KHDRBS2: variants seen among roughly 807,000 people sequenced by gnomAD.
KHDRBS2 encodes KH RNA binding domain containing, signal transduction associated 2, also known as KH domain-containing, RNA-binding, signal transduction-associated protein 2.
In KHDRBS2, 26 loss-of-function variants were observed where a neutral mutation model predicts 44.3. That is an observed-to-expected ratio of 0.59 (90% CI 0.43 to 0.81). The LOEUF (loss-of-function observed/expected upper bound fraction) is 0.81. KHDRBS2 is among the 40% of genes least tolerant of loss of function. The pLI, the probability that KHDRBS2 is intolerant of heterozygous loss-of-function variation, is 0.00. For synonymous variants in KHDRBS2, 194 were observed against 151.1 expected (o/e 1.28, Z -2.08); for missense variants, 476 against 433.1 (o/e 1.10, Z -0.88).
At chr6:61,940,286 G>C (rs1455076486) in intron 4 of KHDRBS2, among the ~76,000 whole-genome samples, 2 of 151,876 alleles carry the variant, frequency 1.3e-5, no homozygotes, top group Non-Finnish European at 2.9e-5. Flanking sequence ...AACCTATATG[G>C]AACAAGGAGA....
chr6:61,933,827 T>G (rs945387588), intron 4 of KHDRBS2, among the ~76,000 whole-genome samples: 2 of 152,224 alleles, frequency 1.3e-5, no homozygotes, highest in Admixed American at 1.3e-4. Flanking sequence ...TAATATGGAT[T>G]GCTGGATCAT....
intron 4 of KHDRBS2, among the ~76,000 whole-genome samples, chr6:61,935,050 GGAA>G (rs1423043534): frequency 2.6e-5 from 4 of 152,168 alleles, no homozygotes; most frequent in Middle Eastern, 3.2e-3. Flanking sequence ...TAGCAAGAAA[GGAA>G]GAAGAATTGT....
intron 1 of KHDRBS2, among the ~76,000 whole-genome samples, chr6:62,211,709 G>A (rs1829075580): frequency 6.6e-6 from 1 of 152,166 alleles, no homozygotes; most frequent in African/African-American, 2.4e-5. Flanking sequence ...CTGTTGGTGG[G>A]AATGTAAATT....
chr6:61,932,663 G>T (rs1331723050), intron 4 of KHDRBS2, among the ~76,000 whole-genome samples: 1 of 152,134 alleles, frequency 6.6e-6, no homozygotes, highest in African/African-American at 2.4e-5. Flanking sequence ...AGCCGGGCGT[G>T]GTGGTGGGCA....
chr6:62,223,224 G>C (rs754639503), intron 1 of KHDRBS2, among the ~76,000 whole-genome samples: 1 of 152,194 alleles, frequency 6.6e-6, no homozygotes, highest in Admixed American at 6.5e-5. Flanking sequence ...CTGTGCACTC[G>C]CAGGCTCAAC....
rs148476405 is a variant in KHDRBS2 at position 62,089,961 on chromosome 6, C to T, written c.220-41967G>A. Among the ~76,000 whole-genome samples the T allele has an allele frequency of 1.4e-3, 206 of 152,076 alleles. 2 individuals carry two copies. Among genetic ancestry groups the T allele is most frequent in the Middle Eastern group, 6.8e-3 (2 of 294 alleles). ...AATAGTGAAGGCCAAGGAACTGCAA[C>T]GTCTGCATGTTGACTGGGGCGTCCA... On this transcript the variant is annotated intron_variant, in intron 2 of 8. Transcript: ENST00000281156.
chr6:61,743,719 G>A (rs1347284458), intron 6 of KHDRBS2, among the ~76,000 whole-genome samples: 2 of 151,664 alleles, frequency 1.3e-5, no homozygotes, highest in Admixed American at 6.6e-5. Flanking sequence ...CCATGTTGGT[G>A]TGCTGCACCC....
At chr6:62,060,631 C>CTATATA (rs1317159491) in intron 2 of KHDRBS2, among the ~76,000 whole-genome samples, 1 of 147,258 alleles carries the variant, frequency 6.8e-6, no homozygotes, top group Non-Finnish European at 1.5e-5. Context: ...CTCTCTCTCT[C>CTATATA]TCTATATATA....
the KHDRBS2 span, among the ~76,000 whole-genome samples, chr6:61,593,609 G>C: frequency 6.6e-6 from 1 of 151,448 alleles, no homozygotes; most frequent in Admixed American, 6.6e-5. Flanking sequence ...CTGATTATTT[G>C]TATAAAGTGC....
chr6:62,020,407 G>A (rs962011084), intron 3 of KHDRBS2, among the ~76,000 whole-genome samples: 1 of 151,962 alleles, frequency 6.6e-6, no homozygotes, highest in African/African-American at 2.4e-5. Flanking sequence ...AGAAAAGAAT[G>A]TATATTCTGC....
At chr6:61,752,394 C>T (rs185851067) in intron 6 of KHDRBS2, among the ~76,000 whole-genome samples, 1 of 152,208 alleles carries the variant, frequency 6.6e-6, no homozygotes, top group Non-Finnish European at 1.5e-5. Context: ...AGGAATTGAC[C>T]TAGCTTTATC....
chr6:62,105,226 A>C (rs1009557803), intron 2 of KHDRBS2, among the ~76,000 whole-genome samples: 1 of 152,156 alleles, frequency 6.6e-6, no homozygotes, highest in East Asian at 1.9e-4. Flanking sequence ...TTCTACACCA[A>C]TTCTTCCAAA....
intron 1 of KHDRBS2, among the ~76,000 whole-genome samples, chr6:62,284,073 T>C (rs1264476775): frequency 6.6e-6 from 1 of 152,138 alleles, no homozygotes; most frequent in Non-Finnish European, 1.5e-5. Context: ...AAGTATTATA[T>C]CAAGAAATCA....
Position 62,074,070 on chromosome 6 carries a change from T to G in KHDRBS2, c.220-26076A>C, listed in dbSNP as rs1795852440. ...TGAAGATGTGCTAAGCTGCACCCATTTAGGAGCCATCAGAGCAGAAAATGT... is the reference window on the plus strand; with the variant it reads ...TGAAGATGTGCTAAGCTGCACCCATGTAGGAGCCATCAGAGCAGAAAATGT... On this transcript the variant is annotated intron_variant, in intron 2 of 8. Transcript: ENST00000281156. 2.6e-5 allele frequency among the ~76,000 whole-genome samples: 4 copies of G among 151,730 alleles called. No individual in the cohort carries two copies. The South Asian group carries it at 8.3e-4, about 31-fold the overall frequency.
chr6:61,954,069 A>G (rs1257131278), intron 4 of KHDRBS2, among the ~76,000 whole-genome samples: 1 of 152,160 alleles, frequency 6.6e-6, no homozygotes, highest in African/African-American at 2.4e-5. Context: ...ATAGTAACAG[A>G]GAAATATTCT....
intron 4 of KHDRBS2, among the ~76,000 whole-genome samples, chr6:61,961,007 CTTCCCTGCCTTTT>C (rs1304362279): frequency 1.3e-5 from 2 of 152,114 alleles, no homozygotes; most frequent in African/African-American, 4.8e-5. Context: ...TTATCACTTT[CTTCCCTGCCTTTT>C]TTCCCTGGCC....
chr6:62,167,143 G>A (rs1015821682), intron 2 of KHDRBS2, among the ~76,000 whole-genome samples: 1 of 152,018 alleles, frequency 6.6e-6, no homozygotes, highest in African/African-American at 2.4e-5. Context: ...ATATTGGCCT[G>A]AGGTATGAGA....
Position 62,265,389 on chromosome 6 carries a change from C to T in KHDRBS2, c.91+20469G>A, listed in dbSNP as rs191234323. 1.1e-4 allele frequency among the ~76,000 whole-genome samples: 17 copies of T among 151,812 alleles called. No homozygotes were observed. The East Asian group carries it at 3.1e-3, about 28-fold the overall frequency. On this transcript the variant is annotated intron_variant, in intron 1 of 8. Coordinates refer to ENST00000281156, the MANE Select transcript of KHDRBS2 (RefSeq NM_152688.4). ...TTTCCACTTTGATAGGCAGAAATAA[C>T]AGGATTACAGTGAGAGGAGTGTGTG...
intron 3 of KHDRBS2, among the ~76,000 whole-genome samples, chr6:61,990,635 G>A (rs1323396786): frequency 6.6e-6 from 1 of 151,918 alleles, no homozygotes; most frequent in Non-Finnish European, 1.5e-5. Context: ...TGAACAGCAA[G>A]CTCTGTGCTG....
Sources: allele counts gnomAD v4.1 joint callset (sites outside exome capture counted in the v4.1 genomes callset), GRCh38; gene constraint gnomAD v4.1.1; transcripts MANE v1.5; gene names NCBI Gene and HGNC (gene_info 2026-07-23, HGNC 2026-07-21).